EDA: variants seen among roughly 807,000 people sequenced by gnomAD.
EDA encodes ectodysplasin A.
EDA carries 2 observed loss-of-function variants against 23.6 expected under a neutral mutation model. The ratio of observed to expected loss-of-function variants is 0.08; its 90% CI spans 0.03 to 0.27. The LOEUF (loss-of-function observed/expected upper bound fraction) is 0.27, where lower values mean the gene tolerates loss of function less well. EDA is among the 10% of genes least tolerant of loss of function. The probability of loss-of-function intolerance (pLI) is 1.00; values close to 1 mark genes in which losing one functional copy is unlikely to be tolerated. For synonymous variants in EDA, 131 were observed against 132.0 expected (o/e 0.99, Z 0.05); for missense variants, 229 against 324.2 (o/e 0.71, Z 2.26).
intron 2 of EDA, among the ~76,000 whole-genome samples, chrX:70,018,278 A>G (rs2019980568): frequency 8.9e-6 from 1 of 112,222 alleles, no homozygotes; most frequent in African/African-American, 3.2e-5. Flanking sequence ...ATAATACCCA[A>G]AGAAATTTAC....
intron 1 of EDA, among the ~76,000 whole-genome samples, chrX:69,888,978 T>TTATA (rs935436674): frequency 0.031 from 500 of 15,956 alleles, 25 homozygotes; most frequent in Non-Finnish European, 0.035. Flanking sequence ...TGTGGGGTAG[T>TTATA]TATATATATA....
intron 1 of EDA, among the ~76,000 whole-genome samples, chrX:69,956,407 C>T (rs1327328088): frequency 9.8e-6 from 1 of 102,214 alleles, no homozygotes; most frequent in Non-Finnish European, 2.0e-5. Context: ...AGTGGTGCGA[C>T]CTCAGCTCAC....
At chrX:70,007,578 A>G (rs2019819772) in intron 2 of EDA, among the ~76,000 whole-genome samples, 1 of 111,570 alleles carries the variant, frequency 9.0e-6, no homozygotes, top group African/African-American at 3.3e-5. Context: ...CTGTGGGTCA[A>G]TTAAACCTCT....
At chrX:69,725,855 A>G (rs942442518) in intron 1 of EDA, among the ~76,000 whole-genome samples, 1 of 112,498 alleles carries the variant, frequency 8.9e-6, no homozygotes, top group Non-Finnish European at 1.9e-5. Context: ...GTGTTACCAA[A>G]GTAACAGGGT....
chrX:69,679,074 A>G lies in EDA; in HGVS notation c.396+62370A>G, dbSNP rs1313273413. 6.4e-4 allele frequency among the ~76,000 whole-genome samples: 68 copies of G among 105,590 alleles called. 1 individual carries two copies. Among genetic ancestry groups the G allele is most frequent in the Admixed American group, 2.8e-3 (27 of 9,682 alleles). 91.7% of individuals were successfully genotyped at this position (105,590 alleles called of 115,157 possible). A position where few individuals can be genotyped will look rare whatever the true frequency, so the allele number is the denominator to read the frequency against. On this transcript the variant is annotated intron_variant, in intron 1 of 7. Coordinates refer to ENST00000374552, the MANE Select transcript of EDA (RefSeq NM_001399.5). ...CAAAGGCGTTTTCTGCATCTATTGA[A>G]ATAATCATGTGGTTTTTGTCTTTGG...
Position 69,838,595 on chromosome X carries a change from C to G in EDA, c.397-118432C>G, listed in dbSNP as rs201851431. 6.2e-5 allele frequency among the ~76,000 whole-genome samples: 7 copies of G among 112,567 alleles called. No individual in the cohort carries two copies. The East Asian group carries it at 2.0e-3, about 32-fold the overall frequency. On this transcript the variant is annotated intron_variant, in intron 1 of 7. Transcript: ENST00000374552. ...TGAGCCAAGATCGCGCCACTGCACT[C>G]CAGCCTGGGTGACAGAGCGAGACTC...
intron 1 of EDA, among the ~76,000 whole-genome samples, chrX:69,816,545 C>A (rs2016086117): frequency 9.0e-6 from 1 of 111,610 alleles, no homozygotes; most frequent in Non-Finnish European, 1.9e-5. Context: ...GAGAACTTCA[C>A]AATGCAATCA....
At chrX:69,682,364 A>T (rs1466067605) in intron 1 of EDA, among the ~76,000 whole-genome samples, 1 of 112,700 alleles carries the variant, frequency 8.9e-6, no homozygotes, top group East Asian at 2.8e-4. Context: ...TGGAGCTTCC[A>T]GTCTGCTTTG....
rs975705877 is a variant in EDA, at chrX:70,022,585, C to T, written c.503-633C>T. Among the ~76,000 whole-genome samples, 3 of 110,604 alleles carry T rather than the reference C, an allele frequency of 2.7e-5. No individual in the cohort carries two copies. The Admixed American group carries it at 2.9e-4, about 11-fold the overall frequency. Reference sequence around the variant, plus strand: ...TCTCCTGACCTCGTGATCCACCCGCCTCGGCCTCCCAAAGTGCTGGGATTA... The same window carrying T: ...TCTCCTGACCTCGTGATCCACCCGCTTCGGCCTCCCAAAGTGCTGGGATTA... On this transcript the variant is annotated intron_variant, in intron 2 of 7. Transcript: ENST00000374552.
In EDA at chrX:69,666,847, G is replaced by T. The variant is rs187963049; in HGVS notation, c.396+50143G>T. On this transcript the variant is annotated intron_variant, in intron 1 of 7. Coordinates refer to ENST00000374552, the MANE Select transcript of EDA (RefSeq NM_001399.5). ...ATTCCTGCTAGCTCTGTTTTTAGAA[G>T]AGTTTAAGAAGTATTGGTGTTAATT... is the stretch of plus-strand genomic sequence containing the variant. 2.0e-3 allele frequency among the ~76,000 whole-genome samples: 219 copies of T among 111,937 alleles called. 1 individual carries two copies. Among genetic ancestry groups the T allele is most frequent in the Non-Finnish European group, 3.2e-3 (171 of 53,137 alleles).
chrX:69,888,978 T>TAGATATATATATATATATATATA (rs1556026049), intron 1 of EDA, among the ~76,000 whole-genome samples: 17 of 16,013 alleles, frequency 1.1e-3, no homozygotes, highest in Non-Finnish European at 1.6e-3. Context: ...TGTGGGGTAG[T>TAGATATATATATATATATATATA]TATATATATA....
At chrX:69,828,653 A>G (rs761721144) in intron 1 of EDA, among the ~76,000 whole-genome samples, 1 of 111,710 alleles carries the variant, frequency 9.0e-6, no homozygotes, top group Non-Finnish European at 1.9e-5. Context: ...TGCAGAAATC[A>G]CCTTTCTTCT....
At chrX:69,774,583 G>T (rs868673568) in intron 1 of EDA, among the ~76,000 whole-genome samples, 2 of 99,660 alleles carry the variant, frequency 2.0e-5, no homozygotes, top group South Asian at 8.4e-4. Context: ...TTTAAAAAAA[G>T]CAAAACATAG....
intron 1 of EDA, among the ~76,000 whole-genome samples, chrX:69,703,449 G>A (rs1183161732): frequency 1.8e-5 from 2 of 112,028 alleles, no homozygotes; most frequent in African/African-American, 6.5e-5. Flanking sequence ...CCAGATGAAA[G>A]GTTCTTGTAT....
chrX:69,749,491 C>A (rs968103160), intron 1 of EDA, among the ~76,000 whole-genome samples: 4 of 108,457 alleles, frequency 3.7e-5, no homozygotes, highest in Admixed American at 3.0e-4. Context: ...ATTTCTAGTT[C>A]TAGATCCCTG....
rs182755680 is a variant in EDA at position 69,744,917 on chromosome X, G to A, written c.396+128213G>A. The stretch of plus-strand genomic sequence containing the variant: ...CGCTCCCCAGGTCTGCCTACTCTGA[G>A]CCTGTGTCCTTTCCTCTCTCTCACT... On this transcript the variant is annotated intron_variant, in intron 1 of 7. Transcript: ENST00000374552. Among the ~76,000 whole-genome samples, 5 of 111,947 alleles carry A rather than the reference G, an allele frequency of 4.5e-5. No individual in the cohort carries two copies. The East Asian group carries it at 8.4e-4, about 19-fold the overall frequency.
chrX:69,797,816 T>C (rs1297712308), intron 1 of EDA, among the ~76,000 whole-genome samples: 1 of 111,817 alleles, frequency 8.9e-6, no homozygotes, highest in Non-Finnish European at 1.9e-5. Context: ...CCTCACATAC[T>C]AATAATAAAC....
intron 1 of EDA, among the ~76,000 whole-genome samples, chrX:69,675,568 G>A (rs1934050660): frequency 9.4e-6 from 1 of 106,594 alleles, no homozygotes; most frequent in Non-Finnish European, 1.9e-5. Context: ...TGAATTCACT[G>A]TCCCTAATTT....
chrX:70,020,210 A>C (rs1361465386), intron 2 of EDA, among the ~76,000 whole-genome samples: 1 of 111,887 alleles, frequency 8.9e-6, no homozygotes, highest in Non-Finnish European at 1.9e-5. Context: ...TTGACCCAAC[A>C]GTGTCATTTC....
Sources: gnomAD v4.1 joint callset for allele counts (sites outside exome capture counted in the v4.1 genomes callset) on GRCh38, gnomAD v4.1.1 for gene constraint, MANE v1.5 for transcripts, NCBI Gene and HGNC (gene_info 2026-07-23, HGNC 2026-07-21) for gene names.